The following DKK2 variants were observed in gnomAD, a reference collection of about 807,000 sequenced individuals.
The protein encoded by DKK2 is dickkopf Wnt signaling pathway inhibitor 2, also known as dickkopf-related protein 2.
In DKK2, 11 loss-of-function variants were observed where a neutral mutation model predicts 28.1. The ratio of observed to expected loss-of-function variants is 0.39; its 90% CI spans 0.25 to 0.65. The LOEUF is 0.65. Ranked by LOEUF, DKK2 falls within the 30% of genes least tolerant of loss-of-function variation. The pLI, the probability that DKK2 is intolerant of heterozygous loss-of-function variation, is 0.47. For missense variants in DKK2, 326 were observed against 335.5 expected, an observed-to-expected ratio of 0.97 and a Z score of 0.22; for synonymous variants, 135 against 126.5, an observed-to-expected ratio of 1.07 and a Z score of -0.45.
intron 1 of DKK2, among the ~76,000 whole-genome samples, chr4:106,945,388 C>A (rs1313631945): frequency 6.6e-6 from 1 of 152,094 alleles, no homozygotes; most frequent in Non-Finnish European, 1.5e-5. Context: ...TTTTCAAACA[C>A]AGTGTAACAA....
intron 1 of DKK2, among the ~76,000 whole-genome samples, chr4:106,969,965 G>A (rs988181882): frequency 1.3e-5 from 2 of 151,892 alleles, no homozygotes; most frequent in African/African-American, 2.4e-5. Flanking sequence ...ACAGTTTCAG[G>A]GATATTATGA....
chr4:107,033,778 AC>A (rs1489942618), intron 1 of DKK2, among the ~76,000 whole-genome samples: 1 of 152,094 alleles, frequency 6.6e-6, no homozygotes, highest in African/African-American at 2.4e-5. Flanking sequence ...GATTGAGAGC[AC>A]CCATTCTTTC....
At chr4:107,012,955 T>A (rs1272114910) in intron 1 of DKK2, among the ~76,000 whole-genome samples, 4 of 150,706 alleles carry the variant, frequency 2.7e-5, no homozygotes, top group Non-Finnish European at 4.5e-5. Flanking sequence ...ATTTTATAAA[T>A]GCAAAATATA....
intron 1 of DKK2, among the ~76,000 whole-genome samples, chr4:106,983,290 A>G (rs1723054014): frequency 6.7e-6 from 1 of 150,338 alleles, no homozygotes; most frequent in African/African-American, 2.5e-5. Context: ...AAGAGAGAAG[A>G]AAGAAAAGAA....
intron 1 of DKK2, among the ~76,000 whole-genome samples, chr4:106,926,589 A>G (rs1040476660): frequency 3.3e-5 from 5 of 152,308 alleles, no homozygotes; most frequent in Admixed American, 6.5e-5. Flanking sequence ...CCCAGCAGCC[A>G]GAGAGATGCT....
At chr4:106,974,552 T>C (rs1439259443) in intron 1 of DKK2, among the ~76,000 whole-genome samples, 2 of 152,158 alleles carry the variant, frequency 1.3e-5, no homozygotes, top group Non-Finnish European at 2.9e-5. Flanking sequence ...TGTTTGTTAT[T>C]GGTGTATAGG....
rs1228761043 is a variant in DKK2 at position 107,036,286 on chromosome 4, G to C, written c.-695C>G. 3 of 152,036 alleles carry C rather than the reference G, an allele frequency of 2.0e-5. No individual in the cohort carries two copies. Among genetic ancestry groups the C allele is most frequent in the African/African-American group, 7.3e-5 (3 of 41,356 alleles). The allele number at this position is 152,036 out of a possible 1,614,324, so 9.4% of individuals were successfully genotyped here. A position where few individuals can be genotyped will look rare whatever the true frequency, so the allele number is the denominator to read the frequency against. On this transcript the variant is annotated 5_prime_UTR_variant, in exon 1 of 4. Transcript: ENST00000285311. ...GGAGCGGACTTGCGCTACGCTCGCC[G>C]CGGGCTCCCGCTTTCTCTCTCTCTG...
At position 106,923,606 on chromosome 4, in the gene DKK2, C is replaced by A. The variant is rs1724380579; in HGVS notation, c.*348G>T. 5.0e-6 allele frequency: 1 copy of A among 201,978 alleles called. No homozygotes were observed. Among genetic ancestry groups the A allele is most frequent in the African/African-American group, 2.3e-5 (1 of 43,216 alleles). The allele number at this position is 201,978 out of a possible 1,614,324, so 12.5% of individuals were successfully genotyped here. ...GTTATTTGTATAAGCAATCAGCAAT[C>A]TGAAGGAAACCTCTCCTCCAGCACA... On this transcript the variant is annotated 3_prime_UTR_variant, in exon 4 of 4. Coordinates refer to ENST00000285311, the MANE Select transcript of DKK2 (RefSeq NM_014421.3).
At chr4:106,954,210 T>A (rs2110347727) in intron 1 of DKK2, among the ~76,000 whole-genome samples, 1 of 152,358 alleles carries the variant, frequency 6.6e-6, no homozygotes, top group South Asian at 2.1e-4. Flanking sequence ...CCCATTACAC[T>A]TTTGGAAAAT....
At chr4:106,983,801 C>T (rs1322182719) in intron 1 of DKK2, among the ~76,000 whole-genome samples, 1 of 152,094 alleles carries the variant, frequency 6.6e-6, no homozygotes, top group African/African-American at 2.4e-5. Flanking sequence ...AGGCAAAAGA[C>T]GTGAAGAGAC....
intron 1 of DKK2, among the ~76,000 whole-genome samples, chr4:106,984,937 C>G (rs962252991): frequency 1.3e-5 from 2 of 152,130 alleles, no homozygotes; most frequent in Non-Finnish European, 2.9e-5. Flanking sequence ...GGGCCGGGCA[C>G]GGTGGCTCAC....
At chr4:106,928,728 A>G (rs1305453589) in intron 1 of DKK2, among the ~76,000 whole-genome samples, 1 of 152,170 alleles carries the variant, frequency 6.6e-6, no homozygotes, top group African/African-American at 2.4e-5. Flanking sequence ...TAAAACATGA[A>G]ATAATATGGT....
intron 1 of DKK2, among the ~76,000 whole-genome samples, chr4:106,963,578 T>A (rs942683070): frequency 6.6e-6 from 1 of 152,148 alleles, no homozygotes; most frequent in Non-Finnish European, 1.5e-5. Flanking sequence ...TCATACACTG[T>A]TGGTGGGAAT....
intron 1 of DKK2, among the ~76,000 whole-genome samples, chr4:107,024,762 C>T (rs1480772782): frequency 1.3e-5 from 2 of 152,092 alleles, no homozygotes; most frequent in East Asian, 1.9e-4. Flanking sequence ...TAAGGCTTAA[C>T]GGTGTTATAC....
At chr4:106,950,425 C>T (rs1724842105) in intron 1 of DKK2, among the ~76,000 whole-genome samples, 1 of 152,174 alleles carries the variant, frequency 6.6e-6, no homozygotes, top group Admixed American at 6.6e-5. Context: ...ATTCTCCACA[C>T]CATATTCTCA....
intron 1 of DKK2, among the ~76,000 whole-genome samples, chr4:107,007,121 C>A (rs1346896566): frequency 6.6e-6 from 1 of 151,864 alleles, no homozygotes; most frequent in Non-Finnish European, 1.5e-5. Flanking sequence ...AGAAAGTTTA[C>A]TTTTTTAGTT....
intron 1 of DKK2, among the ~76,000 whole-genome samples, chr4:106,995,865 C>G (rs1723265422): frequency 6.6e-6 from 1 of 152,176 alleles, no homozygotes; most frequent in African/African-American, 2.4e-5. Flanking sequence ...CCCGCTTCTG[C>G]CTCCCAAAGT....
At chr4:106,982,765 C>T (rs1723043415) in intron 1 of DKK2, among the ~76,000 whole-genome samples, 1 of 150,642 alleles carries the variant, frequency 6.6e-6, no homozygotes, top group Non-Finnish European at 1.5e-5. Context: ...TCAAGACAGG[C>T]ATAGTGAAAT....
chr4:107,015,503 T>C (rs1369230356), intron 1 of DKK2, among the ~76,000 whole-genome samples: 1 of 151,654 alleles, frequency 6.6e-6, no homozygotes, highest in Middle Eastern at 3.2e-3. Context: ...ACTACATACA[T>C]CTCCCAATTA....
Sources: gnomAD v4.1 joint callset for allele counts (sites outside exome capture counted in the v4.1 genomes callset) on GRCh38, gnomAD v4.1.1 for gene constraint, MANE v1.5 for transcripts, NCBI Gene and HGNC (gene_info 2026-07-23, HGNC 2026-07-21) for gene names.